The following DMD variants were observed in gnomAD, a reference collection of about 807,000 sequenced individuals.
DMD encodes the protein mutant dystrophin.
DMD carries 63 observed loss-of-function variants against 330.1 expected under a neutral mutation model. That is an observed-to-expected ratio of 0.19 (90% confidence interval 0.16 to 0.24). The LOEUF is 0.24. DMD is among the 10% of genes least tolerant of loss of function. The pLI, the probability that DMD is intolerant of heterozygous loss-of-function variation, is 1.00. For synonymous variants in DMD, 1,223 were observed against 959.8 expected (o/e 1.27, Z -5.07); for missense variants, 3,344 against 2,684.1 (o/e 1.25, Z -5.43).
At chrX:32,660,156 T>TTGCTTAC (rs1344004337) in intron 9 of DMD, among the ~76,000 whole-genome samples, 3 of 111,048 alleles carry the variant, frequency 2.7e-5, no homozygotes, top group Non-Finnish European at 5.7e-5. Context: ...AGTAAGTCTT[T>TTGCTTAC]TGCATTTCAG....
intron 2 of DMD, among the ~76,000 whole-genome samples, chrX:32,999,546 A>G (rs1174536491): frequency 9.0e-6 from 1 of 110,868 alleles, no homozygotes; most frequent in Non-Finnish European, 1.9e-5. Flanking sequence ...TGGGAGGCTG[A>G]GGCGGGCAGA....
At chrX:33,200,438 C>A (rs1452042088) in intron 1 of DMD, among the ~76,000 whole-genome samples, 1 of 110,584 alleles carries the variant, frequency 9.0e-6, no homozygotes, top group East Asian at 2.8e-4. Context: ...GACAGAAAGA[C>A]AAAAAGAGAA....
intron 2 of DMD, among the ~76,000 whole-genome samples, chrX:32,895,844 CGTGTGTGTGTGTGTGTGT>C (rs5902042): frequency 2.0e-5 from 2 of 99,789 alleles, no homozygotes; most frequent in African/African-American, 7.4e-5. Flanking sequence ...TTGGAATGAA[CGTGTGTGTGTGTGTGTGT>C]GTGTGTGTGT....
chrX:32,585,475 G>A (rs756660781), intron 13 of DMD, among the ~76,000 whole-genome samples: 1 of 109,879 alleles, frequency 9.1e-6, no homozygotes, highest in East Asian at 2.9e-4. Context: ...GCCGAGGCTG[G>A]CGGATCACGA....
In DMD at chrX:31,474,382, T is replaced by C. The variant is rs775879055; in HGVS notation, c.8937+3724A>G. On this transcript the variant is annotated intron_variant, in intron 59 of 78. Transcript: ENST00000357033. ...GGTACTATGATAGAGTGTCTAGGGG[T>C]AAGGAAAATGAACTGATATGGATAT... Among the ~76,000 whole-genome samples, 122 of 109,514 alleles carry C rather than the reference T, an allele frequency of 1.1e-3. 1 individual carries two copies. The highest frequency in any genetic ancestry group is 4.0e-3 in the African/African-American group (120 of 30,038).
chrX:31,178,565 A>C (rs2040805438), intron 70 of DMD, 104 bp downstream of exon 70: 1 of 1,083,269 alleles, frequency 9.2e-7, no homozygotes, highest in Non-Finnish European at 1.2e-6. Context: ...AAAAGAAAGA[A>C]ATAGAAGAGA....
rs1451987203 is a variant in DMD, at chrX:33,264,135, C to T, written c.7+75124G>A. Among the ~76,000 whole-genome samples, 6 of 111,086 alleles carry T rather than the reference C, an allele frequency of 5.4e-5. No homozygotes were observed. The Admixed American group carries it at 5.8e-4, about 11-fold the overall frequency. On this transcript the variant is annotated intron_variant, in intron 1 of 17. Coordinates refer to the DMD transcript ENST00000288447. ...GCCTGTATATACATATTGGAACTTA[C>T]TCTGCTAGGATAAATTGCACAAATA...
intron 41 of DMD, among the ~76,000 whole-genome samples, chrX:32,324,322 C>T (rs12394014): frequency 0.017 from 1,859 of 110,931 alleles, 42 homozygotes; most frequent in African/African-American, 0.056. Flanking sequence ...AATGCACACT[C>T]CATCTATAGG....
chrX:31,479,637 T>C (rs1040687517), intron 57 of DMD, among the ~76,000 whole-genome samples: 3 of 112,353 alleles, frequency 2.7e-5, no homozygotes, highest in African/African-American at 9.7e-5. Flanking sequence ...TCAATACTTT[T>C]GAAAAATAGT....
chrX:32,676,041 C>A (rs945407017), intron 9 of DMD, among the ~76,000 whole-genome samples: 3 of 111,283 alleles, frequency 2.7e-5, no homozygotes, highest in African/African-American at 9.8e-5. Context: ...CAGTTTCTAA[C>A]CATACTACTT....
chrX:31,434,723 C>A (rs1158215342), intron 60 of DMD, among the ~76,000 whole-genome samples: 1 of 111,113 alleles, frequency 9.0e-6, no homozygotes, highest in Non-Finnish European at 1.9e-5. Context: ...TTCACTTCAG[C>A]AAGACTTTGA....
chrX:32,884,309 G>A (rs937243166), intron 2 of DMD, among the ~76,000 whole-genome samples: 4 of 111,479 alleles, frequency 3.6e-5, no homozygotes, highest in African/African-American at 1.3e-4. Context: ...CAGGTAGGCA[G>A]GAAATGAGGA....
At chrX:31,597,315 T>C (rs368249008) in intron 55 of DMD, among the ~76,000 whole-genome samples, 1 of 112,189 alleles carries the variant, frequency 8.9e-6, no homozygotes, top group Non-Finnish European at 1.9e-5. Flanking sequence ...TGGAGAGTGA[T>C]ACATTTAACT....
chrX:32,443,350 A>G (rs938181301), intron 27 of DMD, among the ~76,000 whole-genome samples: 1 of 110,947 alleles, frequency 9.0e-6, no homozygotes, highest in Non-Finnish European at 1.9e-5. Context: ...CCTGCTTGAT[A>G]TCTTATGTAC....
At chrX:31,886,182 T>C (rs917726237) in intron 47 of DMD, among the ~76,000 whole-genome samples, 1 of 111,502 alleles carries the variant, frequency 9.0e-6, no homozygotes, top group African/African-American at 3.2e-5. Flanking sequence ...AAAGACTTGA[T>C]TGAATTTTAA....
At chrX:32,783,769 A>C (rs974829191) in intron 7 of DMD, among the ~76,000 whole-genome samples, 27 of 111,275 alleles carry the variant, frequency 2.4e-4, no homozygotes, top group African/African-American at 8.8e-4. Context: ...GAACTTAAGC[A>C]TCCACAGATT....
chrX:32,215,181 T>C (rs1384390803), intron 44 of DMD, among the ~76,000 whole-genome samples: 1 of 111,076 alleles, frequency 9.0e-6, no homozygotes, highest in African/African-American at 3.3e-5. Context: ...ATAAAACAAA[T>C]TACAGAGAAA....
At chrX:32,936,651 T>C (rs1401988424) in intron 2 of DMD, among the ~76,000 whole-genome samples, 4 of 111,908 alleles carry the variant, frequency 3.6e-5, no homozygotes, top group Non-Finnish European at 3.8e-5. Context: ...AGTCTGCCAC[T>C]GCAAGCACAT....
At chrX:31,961,914 C>G (rs1257214491) in intron 45 of DMD, among the ~76,000 whole-genome samples, 1 of 109,848 alleles carries the variant, frequency 9.1e-6, no homozygotes, top group Non-Finnish European at 1.9e-5. Flanking sequence ...AATTCTTTTG[C>G]TACTACGTGT....
Sources: allele counts gnomAD v4.1 joint callset (sites outside exome capture counted in the v4.1 genomes callset), GRCh38; gene constraint gnomAD v4.1.1; transcripts MANE v1.5; gene names NCBI Gene and HGNC (gene_info 2026-07-23, HGNC 2026-07-21).